C9: variants seen among roughly 807,000 people sequenced by gnomAD.
The protein encoded by C9 is complement C9.
C9 carries 63 observed loss-of-function variants against 65.4 expected under a neutral mutation model. The observed-to-expected ratio is 0.96, with a 90% CI of 0.79 to 1.19. The LOEUF (loss-of-function observed/expected upper bound fraction) is 1.19. C9 is among the 50% of genes most tolerant of loss of function. The probability of loss-of-function intolerance (pLI) is 0.00; values close to 1 mark genes in which losing one functional copy is unlikely to be tolerated. For synonymous variants in C9, 229 were observed against 227.9 expected (o/e 1.00, Z -0.04); for missense variants, 744 against 670.1 (o/e 1.11, Z -1.22).
intron 8 of C9, among the ~76,000 whole-genome samples, 159 bp downstream of exon 8, chr5:39,308,071 G>A (rs977414546): frequency 1.3e-5 from 2 of 152,132 alleles, no homozygotes; most frequent in African/African-American, 2.4e-5. Flanking sequence ...ATGTCCATGC[G>A]CTATCGGTGT....
chr5:39,346,231 A>G (rs1282811845), intron 1 of C9, among the ~76,000 whole-genome samples: 1 of 152,206 alleles, frequency 6.6e-6, no homozygotes, highest in Non-Finnish European at 1.5e-5. Context: ...TGAATCCAGG[A>G]GCTGGTTTTC....
chr5:39,329,061 C>T (rs547716255), intron 5 of C9, among the ~76,000 whole-genome samples: 1 of 152,202 alleles, frequency 6.6e-6, no homozygotes, highest in Non-Finnish European at 1.5e-5. Flanking sequence ...ATAATGAACA[C>T]CTGAAACCTG....
chr5:39,361,074 T>C (rs1011878794), intron 1 of C9, among the ~76,000 whole-genome samples: 7 of 151,468 alleles, frequency 4.6e-5, no homozygotes, highest in Non-Finnish European at 1.0e-4. Flanking sequence ...TTCCCACATA[T>C]TGACTCAGAA....
At chr5:39,346,790 G>A (rs553953837) in intron 1 of C9, among the ~76,000 whole-genome samples, 7 of 152,222 alleles carry the variant, frequency 4.6e-5, no homozygotes, top group South Asian at 2.1e-4. Context: ...CTGGCAAACC[G>A]AATCCAGCAA....
At chr5:39,323,117 T>G (rs1356591454) in intron 5 of C9, among the ~76,000 whole-genome samples, 1 of 152,016 alleles carries the variant, frequency 6.6e-6, no homozygotes, top group Non-Finnish European at 1.5e-5. Context: ...GACTGAATTA[T>G]GAAGAAATAG....
chr5:39,334,130 C>T (rs1369270334), intron 4 of C9, among the ~76,000 whole-genome samples: 3 of 147,584 alleles, frequency 2.0e-5, no homozygotes, highest in Non-Finnish European at 3.0e-5. Flanking sequence ...AAGTGAGGAG[C>T]CTCTCTGCCC....
At chr5:39,321,799 T>C (rs155380) in intron 5 of C9, among the ~76,000 whole-genome samples, 92,940 of 151,884 alleles carry the variant, frequency 0.61, 29,676 homozygotes, top group African/African-American at 0.8. Flanking sequence ...GTCAATTTTG[T>C]CAGAGGATAT....
chr5:39,295,024 C>T (rs981289602), intron 9 of C9, among the ~76,000 whole-genome samples: 2 of 151,576 alleles, frequency 1.3e-5, no homozygotes, highest in African/African-American at 2.4e-5. Flanking sequence ...CTTTGTGATA[C>T]AAATTCTCGA....
intron 7 of C9, among the ~76,000 whole-genome samples, chr5:39,309,407 G>A (rs1753439852): frequency 6.6e-6 from 1 of 152,044 alleles, no homozygotes; most frequent in Non-Finnish European, 1.5e-5. Flanking sequence ...AGACATCTGG[G>A]GGCATTTAGG....
chr5:39,319,905 C>T (rs1021437492), intron 5 of C9, among the ~76,000 whole-genome samples: 2 of 152,132 alleles, frequency 1.3e-5, no homozygotes, highest in African/African-American at 4.8e-5. Flanking sequence ...CCAGGCCTTC[C>T]CCAGTGAACC....
intron 5 of C9, among the ~76,000 whole-genome samples, chr5:39,318,083 A>G (rs1278530320): frequency 6.6e-6 from 1 of 151,242 alleles, no homozygotes; most frequent in Non-Finnish European, 1.5e-5. Context: ...CTGTATTCCT[A>G]GGTATTTTAT....
At chr5:39,285,374 T>A (rs1327617148) in intron 10 of C9, 141 bp from the exon 11 acceptor site, 1 of 724,114 alleles carries the variant, frequency 1.4e-6, no homozygotes, top group South Asian at 1.5e-5. Flanking sequence ...TAGAATGTGG[T>A]GTAAGGTACA....
intron 7 of C9, among the ~76,000 whole-genome samples, chr5:39,310,288 G>A (rs1753456985): frequency 6.6e-6 from 1 of 152,012 alleles, no homozygotes; most frequent in Non-Finnish European, 1.5e-5. Context: ...TTTTAGCAAC[G>A]CTTTCCTCCC....
rs756543581 is a variant in C9, at chr5:39,288,832, T to A, written c.1536A>T (p.Thr512=). 43 of 1,611,038 alleles carry A rather than the reference T, an allele frequency of 2.7e-5. No homozygotes were observed. Among genetic ancestry groups the A allele is most frequent in the Non-Finnish European group, 3.4e-5 (40 of 1,177,670 alleles). ...INEFSVRKCH[T]CQNGGTVILM... ...GAATCACTGTACCTCCATTTTGGCATGTGTGGCATTTTCTTACACTAAATT... is the reference window on the plus strand; with the variant it reads ...GAATCACTGTACCTCCATTTTGGCAAGTGTGGCATTTTCTTACACTAAATT... Residue 512 remains threonine, a synonymous_variant, in exon 10 of 11, where the codon ACA becomes ACT. Transcript: ENST00000263408.
chr5:39,294,780 C>A (rs1376709060), intron 9 of C9, among the ~76,000 whole-genome samples: 1 of 151,712 alleles, frequency 6.6e-6, no homozygotes, highest in Non-Finnish European at 1.5e-5. Flanking sequence ...ACCCATAGAC[C>A]AATATCCCCA....
chr5:39,348,163 G>T (rs1353146385), intron 1 of C9, among the ~76,000 whole-genome samples: 1 of 152,026 alleles, frequency 6.6e-6, no homozygotes, highest in Non-Finnish European at 1.5e-5. Flanking sequence ...AGCCAAAATT[G>T]ACAAATGGGA....
chr5:39,311,085 T>C (rs1753473734), intron 7 of C9, 52 bp downstream of exon 7: 1 of 1,597,680 alleles, frequency 6.3e-7, no homozygotes, highest in African/African-American at 1.3e-5. Context: ...GTGAACAAAA[T>C]AATGTTTGGT....
intron 9 of C9, among the ~76,000 whole-genome samples, chr5:39,289,929 T>A (rs145872662): frequency 1.3e-5 from 2 of 152,006 alleles, no homozygotes; most frequent in East Asian, 3.9e-4. Flanking sequence ...AGGGACATGA[T>A]CTCAAAATCA....
Position 39,302,745 on chromosome 5 carries a change from A to G in C9, c.1416+3872T>C, listed in dbSNP as rs10036988. Among the ~76,000 whole-genome samples, 483 of 152,230 alleles carry G rather than the reference A, an allele frequency of 3.2e-3. 1 individual carries two copies. Among genetic ancestry groups the G allele is most frequent in the African/African-American group, 0.011 (445 of 41,562 alleles). On this transcript the variant is annotated intron_variant, in intron 9 of 10. Coordinates refer to ENST00000263408, the MANE Select transcript of C9 (RefSeq NM_001737.5). The stretch of plus-strand genomic sequence containing the variant: ...GGCAAAAGCAACAAAAATGAACTAC[A>G]TTCATGCCAGGAGGACCCATCCATT...
Sources: allele counts gnomAD v4.1 joint callset (sites outside exome capture counted in the v4.1 genomes callset), GRCh38; gene constraint gnomAD v4.1.1; transcripts MANE v1.5; gene names NCBI Gene and HGNC (gene_info 2026-07-23, HGNC 2026-07-21).